The following FABP9 variants were observed in gnomAD, a reference collection of about 807,000 sequenced individuals.
FABP9 encodes fatty acid binding protein 9, also known as fatty acid-binding protein 9.
In FABP9, 11 loss-of-function variants were observed where a neutral mutation model predicts 14.7. The ratio of observed to expected loss-of-function variants is 0.75; its 90% CI spans 0.47 to 1.24. FABP9 has a LOEUF of 1.24. Ranked by LOEUF, FABP9 falls within the 50% of genes most tolerant of loss-of-function variation. The pLI, the probability that FABP9 is intolerant of heterozygous loss-of-function variation, is 0.00. For synonymous variants in FABP9, 54 were observed against 50.6 expected (o/e 1.07, Z -0.29); for missense variants, 171 against 158.2 (o/e 1.08, Z -0.44).
rs772513077 is a variant in FABP9 at position 81,461,435 on chromosome 8, T to G, written c.73+16A>C. 1.3e-6 allele frequency: 2 copies of G among 1,579,964 alleles called. No homozygotes were observed. The highest frequency in any genetic ancestry group is 2.2e-5 in the South Asian group (2 of 90,324). ...AATGCTTTGCCAATTTCCAAATTTG[T>G]AATGGTATTTCTCACCCAGTTCTTT... On this transcript the variant is annotated intron_variant, in intron 1 of 3. Transcript: ENST00000379071.
At chr8:81,458,454 A>G (rs370609106) in intron 3 of FABP9, 21 bp from the exon 4 acceptor site, 333 of 1,599,416 alleles carry the variant, frequency 2.1e-4, no homozygotes, top group Non-Finnish European at 2.5e-4. Flanking sequence ...AGAGGAATCT[A>G]TTAGAGCTGG....
In FABP9 at chr8:81,458,668, G is replaced by A. The variant is rs113147004; in HGVS notation, c.282C>T (p.His94=). Residue 94 remains histidine, a synonymous_variant, in exon 3 of 4, where the codon CAC becomes CAT. Transcript: ENST00000379071. Reference sequence around the variant, plus strand: ...TCTCTTTGCCAAGCCATTTTTGGACGTGAATCATTGAGCCATTCTCTAATG... The same window carrying A: ...TCTCTTTGCCAAGCCATTTTTGGACATGAATCATTGAGCCATTCTCTAATG... ...TITLENGSMI[H]VQKWLGKETT... 23 of 1,613,670 alleles carry A rather than the reference G, an allele frequency of 1.4e-5. 1 individual carries two copies. Among genetic ancestry groups the A allele is most frequent in the East Asian group, 4.5e-5 (2 of 44,856 alleles).
At chr8:81,459,027 G>C in intron 2 of FABP9, 138 bp downstream of exon 2, 2 of 720,298 alleles carry the variant, frequency 2.8e-6, no homozygotes, top group South Asian at 4.0e-5. Context: ...TTAGCAAAAG[G>C]ATTAACTTTA....
At chr8:81,458,493 C>T in intron 3 of FABP9, 60 bp from the exon 4 acceptor site, 3 of 1,513,272 alleles carry the variant, frequency 2.0e-6, no homozygotes, top group Non-Finnish European at 2.8e-6. Context: ...TGCCCTGCCC[C>T]TTTCTCCTCA....
chr8:81,459,125 T>G, intron 2 of FABP9, 40 bp downstream of exon 2: 1 of 1,547,878 alleles, frequency 6.5e-7, no homozygotes, highest in Non-Finnish European at 8.7e-7. Flanking sequence ...CCTTCTAACT[T>G]TTTCCTGATT....
intron 1 of FABP9, among the ~76,000 whole-genome samples, chr8:81,460,923 G>A (rs116153118): frequency 0.017 from 2,561 of 152,262 alleles, 69 homozygotes; most frequent in African/African-American, 0.057. Flanking sequence ...CATTCAATGA[G>A]TAAAAATGTT....
Position 81,459,177 on chromosome 8 carries a change from GT to G in FABP9, c.233del (p.Asn78ThrfsTer4), listed in dbSNP as rs1807646766. The G allele has an allele frequency of 5.0e-6, 8 of 1,587,578 alleles. No homozygotes were observed. Among genetic ancestry groups the G allele is most frequent in the Non-Finnish European group, 6.0e-6 (7 of 1,171,384 alleles). ...GEEFDETTAD[N>X]RKVKSTITLE... ...AATTAGTTCTGACCTTTACTTTCCG[GT>G]TGTCTGCTGTAGTTTCATCAAATTC... On this transcript the variant is annotated frameshift_variant, in exon 2 of 4. Coordinates refer to ENST00000379071, the MANE Select transcript of FABP9 (RefSeq NM_001080526.2). LOFTEE classifies it high-confidence loss of function.
At chr8:81,461,348 T>G (rs1291911400) in intron 1 of FABP9, 103 bp downstream of exon 1, 4 of 839,990 alleles carry the variant, frequency 4.8e-6, no homozygotes, top group Non-Finnish European at 6.2e-6. Context: ...TACCCTAGGA[T>G]CACAAAAGGA....
intron 1 of FABP9, among the ~76,000 whole-genome samples, chr8:81,460,968 G>C (rs1347314357): frequency 1.3e-5 from 2 of 152,152 alleles, no homozygotes; most frequent in Non-Finnish European, 2.9e-5. Context: ...TCAAAACCAT[G>C]TTTATAAAAT....
intron 2 of FABP9, 69 bp downstream of exon 2, chr8:81,459,096 A>G: frequency 2.2e-6 from 3 of 1,363,876 alleles, no homozygotes; most frequent in Admixed American, 2.4e-5. Flanking sequence ...ATCAAATTAC[A>G]GTAAACCATG....
chr8:81,459,391 T>C (rs764589960), intron 1 of FABP9, 54 bp from the exon 2 acceptor site: 188 of 1,420,724 alleles, frequency 1.3e-4, no homozygotes, highest in Non-Finnish European at 1.6e-4. Context: ...ACAATCACTC[T>C]GGAAGTCAAT....
chr8:81,459,040 G>A, intron 2 of FABP9, 125 bp downstream of exon 2: 1 of 783,128 alleles, frequency 1.3e-6, no homozygotes, highest in Non-Finnish European at 2.0e-6. Context: ...TAACTTTAGA[G>A]ATGTGCGACT....
At chr8:81,459,828 G>T (rs181930482) in intron 1 of FABP9, among the ~76,000 whole-genome samples, 4 of 152,316 alleles carry the variant, frequency 2.6e-5, no homozygotes, top group Non-Finnish European at 1.5e-5. Context: ...TAGAGAAGCA[G>T]TGTTAGACAT....
Position 81,458,419 on chromosome 8 carries a change from A to G in FABP9, c.363T>C (p.Asn121=), listed in dbSNP as rs1807627880. 2 of 1,612,512 alleles carry G rather than the reference A, an allele frequency of 1.2e-6. No homozygotes were observed. The highest frequency in any genetic ancestry group is 1.7e-6 in the Non-Finnish European group (2 of 1,178,654). ...DEKMVVECKM[N]NIVSTRIYEK... is the part of the protein sequence containing the mutation. Reference sequence around the variant, plus strand: ...CGTAGATTCTGGTGCTGACAATATTATTCATTTTACATTCCTAAAAGCAAA... The same window carrying G: ...CGTAGATTCTGGTGCTGACAATATTGTTCATTTTACATTCCTAAAAGCAAA... The change falls in exon 4 of 4, where the codon AAT becomes AAC. Residue 121 remains asparagine (N), a synonymous_variant. Transcript: ENST00000379071.
intron 2 of FABP9, 27 bp downstream of exon 2, chr8:81,459,138 T>C: frequency 6.4e-7 from 1 of 1,558,000 alleles, no homozygotes; most frequent in Non-Finnish European, 8.6e-7. Flanking sequence ...TCCTGATTGT[T>C]GAACACCAGG....
At chr8:81,459,583 TA>T (rs1807656275) in intron 1 of FABP9, among the ~76,000 whole-genome samples, 1 of 152,228 alleles carries the variant, frequency 6.6e-6, no homozygotes, top group South Asian at 2.1e-4. Context: ...TGTAAATTTG[TA>T]TGGTGCCTTT....
At chr8:81,460,060 C>T (rs913154033) in intron 1 of FABP9, among the ~76,000 whole-genome samples, 1 of 151,928 alleles carries the variant, frequency 6.6e-6, no homozygotes, top group African/African-American at 2.4e-5. Flanking sequence ...AGTGCAGTGG[C>T]ACAATCTCAG....
At chr8:81,460,474 C>G (rs1807674986) in intron 1 of FABP9, among the ~76,000 whole-genome samples, 1 of 152,114 alleles carries the variant, frequency 6.6e-6, no homozygotes, top group African/African-American at 2.4e-5. Context: ...TTATTCAAAA[C>G]AAGTGAGTCT....
intron 1 of FABP9, among the ~76,000 whole-genome samples, chr8:81,461,076 T>G (rs1464399352): frequency 6.6e-6 from 1 of 152,180 alleles, no homozygotes. Flanking sequence ...TTGAAACAAA[T>G]TTAATTGATC....
Sources: allele counts gnomAD v4.1 joint callset (sites outside exome capture counted in the v4.1 genomes callset), GRCh38; gene constraint gnomAD v4.1.1; transcripts MANE v1.5; gene names NCBI Gene and HGNC (gene_info 2026-07-23, HGNC 2026-07-21).